Variants in GRM7 observed in about 807,000 individuals in gnomAD.
GRM7 encodes the protein metabotropic glutamate receptor 7.
In GRM7, 35 loss-of-function variants were observed where a neutral mutation model predicts 84.5. The observed-to-expected ratio is 0.41, with a 90% CI of 0.32 to 0.55. GRM7 has a LOEUF of 0.55. Among genes scored for constraint, GRM7 ranks in the 20% least tolerant of loss-of-function variants. The probability of loss-of-function intolerance (pLI) is 0.19; values close to 1 mark genes in which losing one functional copy is unlikely to be tolerated. For missense variants in GRM7, 1,003 were observed against 1,194.6 expected (o/e 0.84, Z 2.36); for synonymous variants, 487 against 455.1 (o/e 1.07, Z -0.89).
chr3:6,968,666 C>T (rs1045441141), intron 1 of GRM7, among the ~76,000 whole-genome samples: 4 of 151,620 alleles, frequency 2.6e-5, no homozygotes, highest in Non-Finnish European at 5.9e-5. Context: ...TTTATTTTTC[C>T]CTTCCTTTTC....
At chr3:7,063,066 C>G (rs1349458139) in intron 1 of GRM7, among the ~76,000 whole-genome samples, 1 of 151,614 alleles carries the variant, frequency 6.6e-6, no homozygotes, top group Admixed American at 6.6e-5. Flanking sequence ...CTTTCCTTCC[C>G]CAAGTAGCAC....
intron 9 of GRM7, among the ~76,000 whole-genome samples, chr3:7,689,696 G>A (rs1313662726): frequency 2.0e-5 from 3 of 152,130 alleles, no homozygotes; most frequent in African/African-American, 4.8e-5. Flanking sequence ...TAAAAGAAAT[G>A]TACACATCAT....
intron 4 of GRM7, among the ~76,000 whole-genome samples, chr3:7,307,180 C>A (rs1490950812): frequency 6.6e-6 from 1 of 152,172 alleles, no homozygotes; most frequent in Non-Finnish European, 1.5e-5. Flanking sequence ...CCTTTTCTTG[C>A]CTTTCTAAAC....
chr3:7,111,293 A>G (rs1364841913), intron 1 of GRM7, among the ~76,000 whole-genome samples: 3 of 152,156 alleles, frequency 2.0e-5, no homozygotes, highest in Non-Finnish European at 4.4e-5. Context: ...TAGGATATAC[A>G]TGGTGAAAAA....
At chr3:7,367,577 G>T (rs1007485275) in intron 4 of GRM7, among the ~76,000 whole-genome samples, 2 of 151,736 alleles carry the variant, frequency 1.3e-5, no homozygotes, top group African/African-American at 4.8e-5. Context: ...AAGTTGAACT[G>T]CTGTAGGAGA....
chr3:7,696,104 C>T (rs931433475), intron 9 of GRM7, among the ~76,000 whole-genome samples: 6 of 152,210 alleles, frequency 3.9e-5, no homozygotes, highest in African/African-American at 4.8e-5. Flanking sequence ...GGGATAAGAA[C>T]GTCCTTTACA....
At chr3:7,211,652 CAAAAAAA>C (rs370634134) in intron 2 of GRM7, among the ~76,000 whole-genome samples, 1 of 122,710 alleles carries the variant, frequency 8.1e-6, no homozygotes, top group South Asian at 2.6e-4. Context: ...TTCTCCCAAC[CAAAAAAA>C]AAAAAAAAAT....
intron 8 of GRM7, among the ~76,000 whole-genome samples, chr3:7,615,583 C>A (rs1290401678): frequency 6.6e-6 from 1 of 152,122 alleles, no homozygotes; most frequent in African/African-American, 2.4e-5. Flanking sequence ...AAACTGACTT[C>A]TGCTTCTGAG....
At chr3:7,662,197 C>G (rs1443040510) in intron 8 of GRM7, among the ~76,000 whole-genome samples, 2 of 151,866 alleles carry the variant, frequency 1.3e-5, no homozygotes, top group Non-Finnish European at 2.9e-5. Flanking sequence ...CTCTAGAAAA[C>G]AGAAAAGAAT....
intron 1 of GRM7, among the ~76,000 whole-genome samples, chr3:6,929,256 C>G (rs1440942230): frequency 6.6e-6 from 1 of 152,148 alleles, no homozygotes; most frequent in East Asian, 1.9e-4. Flanking sequence ...CACAGAGCAT[C>G]CACCCCTGCT....
chr3:7,666,769 C>A (rs1978846), intron 8 of GRM7, among the ~76,000 whole-genome samples: 16,800 of 151,928 alleles, frequency 0.11, 1,707 homozygotes, highest in African/African-American at 0.27. Context: ...CTTCTTATTA[C>A]ATATATTATA....
At chr3:7,273,001 T>C (rs1020881836) in intron 2 of GRM7, among the ~76,000 whole-genome samples, 2 of 152,120 alleles carry the variant, frequency 1.3e-5, no homozygotes, top group Admixed American at 6.5e-5. Flanking sequence ...CGTTCCTCTA[T>C]GGACTGTGTT....
At chr3:7,671,596 T>G (rs1054198885) in intron 8 of GRM7, among the ~76,000 whole-genome samples, 9 of 150,542 alleles carry the variant, frequency 6.0e-5, no homozygotes, top group African/African-American at 2.2e-4. Context: ...TCTTGTCCAA[T>G]ACTCATCTAG....
intron 1 of GRM7, among the ~76,000 whole-genome samples, chr3:6,939,931 A>G (rs1293198133): frequency 2.6e-5 from 4 of 152,156 alleles, no homozygotes; most frequent in African/African-American, 9.7e-5. Flanking sequence ...TTCATATGCC[A>G]CACTGGGGTG....
Position 7,656,954 on chromosome 3 carries a change from CAT to C in GRM7, c.2452-23093_2452-23092del, listed in dbSNP as rs747526017. Among the ~76,000 whole-genome samples, 433 of 152,254 alleles carry C rather than the reference CAT, an allele frequency of 2.8e-3. 7 individuals are homozygous for C. The highest frequency in any genetic ancestry group is 0.017 in the Middle Eastern group (5 of 294). On this transcript the variant is annotated intron_variant, in intron 8 of 9. Coordinates refer to ENST00000357716, the MANE Select transcript of GRM7 (RefSeq NM_000844.4). ...ACTTGAACACTTATGCTACTGAAAA[CAT>C]AGTATTTACTTTGAGTGAAGTACAA...
intron 2 of GRM7, among the ~76,000 whole-genome samples, chr3:7,158,895 T>C (rs1277616656): frequency 6.6e-6 from 1 of 152,148 alleles, no homozygotes; most frequent in Non-Finnish European, 1.5e-5. Context: ...TCCTTAAAGG[T>C]AGTTTAGCTA....
chr3:7,229,478 G>A (rs191805913), intron 2 of GRM7, among the ~76,000 whole-genome samples: 16 of 151,412 alleles, frequency 1.1e-4, no homozygotes, highest in African/African-American at 3.2e-4. Context: ...GAACCCAAGC[G>A]CTTTATGAGT....
intron 7 of GRM7, among the ~76,000 whole-genome samples, chr3:7,535,778 C>T (rs946212584): frequency 6.6e-6 from 1 of 152,142 alleles, no homozygotes; most frequent in Admixed American, 6.5e-5. Flanking sequence ...GTGTAAGTTA[C>T]CCAAGCTACA....
intron 2 of GRM7, among the ~76,000 whole-genome samples, chr3:7,259,884 T>G (rs1276514711): frequency 6.6e-6 from 1 of 151,206 alleles, no homozygotes; most frequent in African/African-American, 2.5e-5. Context: ...TCCACAATGG[T>G]TGAACTAACC....
Sources: gnomAD v4.1 joint callset for allele counts (sites outside exome capture counted in the v4.1 genomes callset) on GRCh38, gnomAD v4.1.1 for gene constraint, MANE v1.5 for transcripts, NCBI Gene and HGNC (gene_info 2026-07-23, HGNC 2026-07-21) for gene names.